PLCH1: variants seen among roughly 807,000 people sequenced by gnomAD.
PLCH1 encodes 1-phosphatidylinositol 4,5-bisphosphate phosphodiesterase eta-1.
A neutral mutation model predicts 126.7 loss-of-function variants in PLCH1; 60 were observed. That is an observed-to-expected ratio of 0.47 (90% CI 0.38 to 0.59). The LOEUF (loss-of-function observed/expected upper bound fraction) is 0.59. Ranked by LOEUF, PLCH1 falls within the 20% of genes least tolerant of loss-of-function variation. PLCH1 has a pLI of 0.00. For synonymous variants in PLCH1, 719 were observed against 734.9 expected (o/e 0.98, Z 0.35); for missense variants, 1,723 against 2,040.0 (o/e 0.84, Z 2.99).
At chr3:155,699,647 T>C (rs1356979361) in intron 2 of PLCH1, among the ~76,000 whole-genome samples, 2 of 152,176 alleles carry the variant, frequency 1.3e-5, no homozygotes, top group Non-Finnish European at 2.9e-5. Flanking sequence ...TCATTCTCCT[T>C]GCATATTTTC....
At chr3:155,522,962 GC>G (rs1721317874) in intron 11 of PLCH1, among the ~76,000 whole-genome samples, 2 of 142,476 alleles carry the variant, frequency 1.4e-5, no homozygotes, top group Non-Finnish European at 3.0e-5. Context: ...TTCTTTTTTT[GC>G]GGGGGGGGTG....
At chr3:155,549,164 T>G (rs1337547059) in intron 10 of PLCH1, among the ~76,000 whole-genome samples, 1 of 152,224 alleles carries the variant, frequency 6.6e-6, no homozygotes, top group Non-Finnish European at 1.5e-5. Context: ...ACTGTCTTTC[T>G]GGCTATTCTT....
intron 2 of PLCH1, among the ~76,000 whole-genome samples, chr3:155,610,376 AAAAAAAAAAAAAAC>A (rs1000037710): frequency 2.7e-5 from 4 of 149,344 alleles, no homozygotes; most frequent in East Asian, 2.0e-4. Flanking sequence ...AAAAAAAAAA[AAAAAAAAAAAAAAC>A]CATCACCTAG....
At chr3:155,735,395 A>G (rs188749294) in intron 1 of PLCH1, among the ~76,000 whole-genome samples, 2,686 of 114,384 alleles carry the variant, frequency 0.023, 29 homozygotes, top group South Asian at 0.059. Flanking sequence ...ACACTTTGGG[A>G]GGCCAAGGCA....
chr3:155,645,202 T>C (rs542852601), intron 2 of PLCH1, among the ~76,000 whole-genome samples: 10 of 152,274 alleles, frequency 6.6e-5, no homozygotes, highest in South Asian at 4.1e-4. Flanking sequence ...GACCCTCACC[T>C]TTTTTGTTTT....
At chr3:155,573,384 G>A (rs1332532076) in intron 6 of PLCH1, among the ~76,000 whole-genome samples, 1 of 152,148 alleles carries the variant, frequency 6.6e-6, no homozygotes, top group African/African-American at 2.4e-5. Flanking sequence ...TTAAAACAAC[G>A]ACTGTTTATT....
At chr3:155,715,709 A>C (rs1747452443) in intron 1 of PLCH1, among the ~76,000 whole-genome samples, 1 of 147,758 alleles carries the variant, frequency 6.8e-6, no homozygotes, top group African/African-American at 2.5e-5. Context: ...ACCTCCTAGG[A>C]TTAAGGGATC....
At chr3:155,524,055 G>T in intron 10 of PLCH1, 51 bp from the exon 11 acceptor site, 1 of 1,092,130 alleles carries the variant, frequency 9.2e-7, no homozygotes, top group South Asian at 1.3e-5. Context: ...ATTCACAATA[G>T]CCAAAAGGTG....
intron 2 of PLCH1, among the ~76,000 whole-genome samples, chr3:155,603,994 G>A (rs1296053825): frequency 6.6e-6 from 1 of 152,054 alleles, no homozygotes; most frequent in Admixed American, 6.5e-5. Context: ...AGCTACTCAG[G>A]AGGCTAAGAC....
chr3:155,492,882 C>T (rs201322016), intron 17 of PLCH1, 29 bp from the exon 18 acceptor site: 2 of 1,545,416 alleles, frequency 1.3e-6, no homozygotes, highest in Non-Finnish European at 1.7e-6. Flanking sequence ...AAGTTGGTAA[C>T]ATAAGAAGAA....
intron 10 of PLCH1, among the ~76,000 whole-genome samples, chr3:155,524,804 C>G (rs1180757614): frequency 1.3e-5 from 2 of 151,998 alleles, no homozygotes; most frequent in Non-Finnish European, 2.9e-5. Context: ...ATCACTTGAC[C>G]CTAGGATTTC....
chr3:155,600,064 T>C (rs1024614624), intron 2 of PLCH1, among the ~76,000 whole-genome samples: 1 of 152,182 alleles, frequency 6.6e-6, no homozygotes. Flanking sequence ...GAAAAGCCAT[T>C]TGGATAGAGG....
chr3:155,591,573 G>A (rs1460592828), intron 4 of PLCH1, among the ~76,000 whole-genome samples: 2 of 152,084 alleles, frequency 1.3e-5, no homozygotes, highest in Non-Finnish European at 2.9e-5. Flanking sequence ...TTTCTAACGT[G>A]TTTTGCTTTG....
At chr3:155,571,618 C>T (rs1196799569) in intron 6 of PLCH1, among the ~76,000 whole-genome samples, 4 of 152,162 alleles carry the variant, frequency 2.6e-5, no homozygotes, top group African/African-American at 7.2e-5. Context: ...AGGTTGGTCT[C>T]GAACTCCTGA....
chr3:155,634,572 G>A (rs942518361), intron 2 of PLCH1, among the ~76,000 whole-genome samples: 1 of 150,636 alleles, frequency 6.6e-6, no homozygotes, highest in Non-Finnish European at 1.5e-5. Flanking sequence ...CCACCCATAA[G>A]GGGGCCAGAG....
In PLCH1 at chr3:155,533,971, C is replaced by T. The variant is rs117758458; in HGVS notation, c.1363-9967G>A. Reference sequence around the variant, plus strand: ...AGATTTCAAAGGATGTATGGAAACACCTGGATGCCTAGGCAGAAGTATGCT... The same window carrying T: ...AGATTTCAAAGGATGTATGGAAACATCTGGATGCCTAGGCAGAAGTATGCT... On this transcript the variant is annotated intron_variant, in intron 10 of 22. Coordinates refer to ENST00000460012, the MANE Select transcript of PLCH1 (RefSeq NM_014996.4). Among the ~76,000 whole-genome samples the T allele has an allele frequency of 4.8e-3, 729 of 152,306 alleles. 2 individuals carry two copies. The highest frequency in any genetic ancestry group is 7.7e-3 in the Non-Finnish European group (522 of 68,026).
At chr3:155,619,414 AG>A (rs1244575860) in intron 2 of PLCH1, among the ~76,000 whole-genome samples, 1 of 151,572 alleles carries the variant, frequency 6.6e-6, no homozygotes, top group African/African-American at 2.4e-5. Flanking sequence ...ATATACCCCC[AG>A]TAGCTCCCAG....
intron 10 of PLCH1, among the ~76,000 whole-genome samples, chr3:155,541,250 G>A (rs376676002): frequency 1.3e-5 from 2 of 152,046 alleles, no homozygotes; most frequent in Non-Finnish European, 2.9e-5. Flanking sequence ...AGTGGGAGGG[G>A]GCAAGGGATA....
chr3:155,731,056 C>T (rs879538793), intron 1 of PLCH1, among the ~76,000 whole-genome samples: 3 of 152,218 alleles, frequency 2.0e-5, no homozygotes, highest in African/African-American at 7.2e-5. Flanking sequence ...GCCTGGTGGA[C>T]TTGTTCTCCA....
Sources: gnomAD v4.1 joint callset for allele counts (sites outside exome capture counted in the v4.1 genomes callset) on GRCh38, gnomAD v4.1.1 for gene constraint, MANE v1.5 for transcripts, NCBI Gene and HGNC (gene_info 2026-07-23, HGNC 2026-07-21) for gene names.